PPP2R3C: variants seen among roughly 807,000 people sequenced by gnomAD.
PPP2R3C encodes protein phosphatase 2 regulatory subunit B''gamma, also known as serine/threonine-protein phosphatase 2A regulatory subunit B'' subunit gamma.
PPP2R3C carries 47 observed loss-of-function variants against 63.7 expected under a neutral mutation model. The observed-to-expected ratio is 0.74, with a 90% confidence interval of 0.58 to 0.94. The LOEUF (loss-of-function observed/expected upper bound fraction) is 0.94, where lower values mean the gene tolerates loss of function less well. Ranked by LOEUF, PPP2R3C falls within the 40% of genes least tolerant of loss-of-function variation. PPP2R3C has a pLI of 0.00. For synonymous variants in PPP2R3C, 180 were observed against 177.4 expected (o/e 1.01, Z -0.12); for missense variants, 421 against 518.4 (o/e 0.81, Z 1.82).
chr14:35,108,380 A>T (rs2046428583), intron 4 of PPP2R3C, 144 bp from the exon 5 acceptor site: 3 of 1,124,502 alleles, frequency 2.7e-6, no homozygotes, highest in Non-Finnish European at 3.5e-6. Context: ...AACTTAAAAT[A>T]TTAAGTCAAA....
In PPP2R3C at chr14:35,109,910, T is replaced by C. The variant is rs1215860515; in HGVS notation, c.313A>G (p.Lys105Glu). The C allele has an allele frequency of 2.5e-6, 4 of 1,606,956 alleles. No individual in the cohort carries two copies. Among genetic ancestry groups the C allele is most frequent in the Non-Finnish European group, 3.4e-6 (4 of 1,175,672 alleles). ...CCAATCATAGGTGGTGTCTGGTGTT[T>C]GTCCAGCAAAAACCATAAGTTCTTA... The part of the protein sequence containing the change: ...ELQNLWFLLD[K>E]HQTPPMIGEE... Residue 105 changes from lysine (K) to glutamate (E), a missense_variant, in exon 4 of 13, where the codon AAA becomes GAA. Around this residue, in one of 3 missense-constraint regions of PPP2R3C, gnomAD observed 143 missense variants for 151.2 expected, o/e 0.95. Coordinates refer to ENST00000261475, the MANE Select transcript of PPP2R3C (RefSeq NM_017917.4).
intron 6 of PPP2R3C, among the ~76,000 whole-genome samples, chr14:35,106,850 A>G (rs2046379902): frequency 6.6e-6 from 1 of 150,926 alleles, no homozygotes; most frequent in Admixed American, 6.6e-5. Flanking sequence ...TATTTTTAGT[A>G]GAGATAGGGT....
At chr14:35,115,149 T>C (rs928854457) in intron 2 of PPP2R3C, among the ~76,000 whole-genome samples, 8 of 122,864 alleles carry the variant, frequency 6.5e-5, no homozygotes, top group Non-Finnish European at 1.4e-4. Flanking sequence ...TGTAAACGGC[T>C]TTTTTTTTTT....
At chr14:35,090,278 G>A (rs1196900771) in intron 11 of PPP2R3C, among the ~76,000 whole-genome samples, 1 of 103,962 alleles carries the variant, frequency 9.6e-6, no homozygotes, top group East Asian at 2.8e-4. Flanking sequence ...GTGTTGCTTT[G>A]CTGCCCAAGC....
intron 6 of PPP2R3C, chr14:35,101,732 G>T (rs1341267245): frequency 6.6e-6 from 1 of 152,100 alleles, no homozygotes. Context: ...AGAAGCATTT[G>T]AATTTTACTT....
In PPP2R3C at chr14:35,085,709, T is replaced by A. The variant is rs2045569977; in HGVS notation, c.1243A>T (p.Asn415Tyr). The A allele has an allele frequency of 9.3e-6, 15 of 1,612,326 alleles. No individual in the cohort carries two copies. In the East Asian group the frequency reaches 3.3e-4, roughly 36 times the overall value. Residue 415 changes from asparagine to tyrosine, a missense_variant, in exon 13 of 13, where the codon AAT becomes TAT. By Grantham distance (143) the Asn-to-Tyr change is moderately radical. Transcript: ENST00000261475. Reference protein sequence around the residue: ...KISLQDLINSNQGDTVTTILI... With the variant: ...KISLQDLINSYQGDTVTTILI... ...ATGGTGGTTACTGTGTCTCCTTGAT[T>A]ACTGTTGATTAAATCCTGAAGAGAG...
At position 35,107,317 on chromosome 14, in the gene PPP2R3C, TA is replaced by T; in HGVS notation, c.559del (p.Tyr187ThrfsTer7). 1 of 1,604,000 alleles carries T rather than the reference TA, an allele frequency of 6.2e-7. No individual in the cohort carries two copies. The highest frequency in any genetic ancestry group is 1.1e-5 in the South Asian group (1 of 90,876). ...LSLYDVAGQG[Y>X]LRESDLENYI... ...GTTAACACTTACAGATTCCCGAAGGTACCCCTGCCCAGCGACATCATATAAA... is the reference window on the plus strand; with the variant it reads ...GTTAACACTTACAGATTCCCGAAGGTCCCCTGCCCAGCGACATCATATAAA... On this transcript the variant is annotated frameshift_variant, in exon 6 of 13. Coordinates refer to ENST00000261475, the MANE Select transcript of PPP2R3C (RefSeq NM_017917.4). LOFTEE classifies it high-confidence loss of function.
At chr14:35,116,392 C>CA (rs1424909528) in intron 2 of PPP2R3C, among the ~76,000 whole-genome samples, 9 of 152,094 alleles carry the variant, frequency 5.9e-5, no homozygotes, top group Admixed American at 6.5e-5. Context: ...GCTAGGACTA[C>CA]AGGCATGCAT....
At chr14:35,095,026 A>C in intron 10 of PPP2R3C, 22 bp downstream of exon 10, 4 of 1,590,100 alleles carry the variant, frequency 2.5e-6, no homozygotes, top group Non-Finnish European at 3.5e-6. Context: ...TTTAAAACTT[A>C]GCAGCAGATT....
intron 2 of PPP2R3C, among the ~76,000 whole-genome samples, chr14:35,112,009 G>A (rs2046576867): frequency 6.6e-6 from 1 of 152,154 alleles, no homozygotes; most frequent in African/African-American, 2.4e-5. Context: ...CTCTATCTGG[G>A]TAGCAGGCAA....
At chr14:35,115,382 C>T (rs1042751203) in intron 2 of PPP2R3C, among the ~76,000 whole-genome samples, 3 of 151,708 alleles carry the variant, frequency 2.0e-5, no homozygotes, top group Non-Finnish European at 2.9e-5. Flanking sequence ...GGTTCTCAAA[C>T]TCCTGGCCTC....
intron 12 of PPP2R3C, 84 bp from the exon 13 acceptor site, chr14:35,085,862 A>C (rs1204554646): frequency 8.9e-7 from 1 of 1,128,264 alleles, no homozygotes; most frequent in Non-Finnish European, 1.2e-6. Context: ...GGCTGTTTGC[A>C]TCCACTGAAG....
At chr14:35,104,885 C>T (rs1175793664) in intron 6 of PPP2R3C, among the ~76,000 whole-genome samples, 1 of 152,070 alleles carries the variant, frequency 6.6e-6, no homozygotes, top group Non-Finnish European at 1.5e-5. Context: ...GCATCTGCTA[C>T]CATGCTCAGC....
intron 2 of PPP2R3C, among the ~76,000 whole-genome samples, chr14:35,114,712 G>A (rs1275675933): frequency 6.6e-6 from 1 of 152,000 alleles, no homozygotes; most frequent in Non-Finnish European, 1.5e-5. Context: ...AGATGGGATG[G>A]GCCAGCATGG....
At chr14:35,088,815 T>A (rs1295469107) in intron 11 of PPP2R3C, among the ~76,000 whole-genome samples, 1 of 152,192 alleles carries the variant, frequency 6.6e-6, no homozygotes, top group Non-Finnish European at 1.5e-5. Flanking sequence ...GGGCTCAGCA[T>A]TGGACACTTT....
rs1466711500 is a variant in PPP2R3C at position 35,088,001 on chromosome 14, C to T, written c.1123G>A (p.Glu375Lys). ...TCTTGTCCATGGATTTTCATTAGTTCCTGTATGGCCTGTATTTAATAGAAA... is the reference window on the plus strand; with the variant it reads ...TCTTGTCCATGGATTTTCATTAGTTTCTGTATGGCCTGTATTTAATAGAAA... ...SLNYFFRAIQ[E>K]LMKIHGQDPV... The change falls in exon 12 of 13, where the codon GAA (glutamate) becomes AAA (lysine). Residue 375 changes from glutamate (E) to lysine (K), a missense_variant. Physicochemically the swap from Glu to Lys is moderately conservative, Grantham distance 56 (BLOSUM62 1). This residue lies in a region of PPP2R3C where 231 missense variants were observed against 264.8 expected (regional missense o/e 0.87). Transcript: ENST00000261475. 3 of 1,585,076 alleles carry T rather than the reference C, an allele frequency of 1.9e-6. No individual in the cohort carries two copies. Among genetic ancestry groups the T allele is most frequent in the African/African-American group, 2.7e-5 (2 of 74,238 alleles).
chr14:35,103,753 A>T (rs1310916234), intron 6 of PPP2R3C, among the ~76,000 whole-genome samples: 2 of 152,216 alleles, frequency 1.3e-5, no homozygotes, highest in Non-Finnish European at 2.9e-5. Flanking sequence ...GCTTAGAATA[A>T]TACCTGCCCC....
intron 9 of PPP2R3C, among the ~76,000 whole-genome samples, chr14:35,096,184 A>G (rs1430622852): frequency 6.6e-6 from 1 of 151,552 alleles, no homozygotes; most frequent in Non-Finnish European, 1.5e-5. Context: ...CTAAAAAAAC[A>G]TAAAATAAAT....
chr14:35,089,276 A>T (rs946778978), intron 11 of PPP2R3C, among the ~76,000 whole-genome samples: 1 of 151,790 alleles, frequency 6.6e-6, no homozygotes, highest in Non-Finnish European at 1.5e-5. Flanking sequence ...CTAATTTTTA[A>T]TTTTTTTGTA....
Sources: allele counts gnomAD v4.1 joint callset (sites outside exome capture counted in the v4.1 genomes callset), GRCh38; gene constraint gnomAD v4.1.1; regional missense constraint gnomAD v4.1.1; transcripts MANE v1.5; gene names NCBI Gene and HGNC (gene_info 2026-07-23, HGNC 2026-07-21).